The following ACAP2 variants were observed in gnomAD, a reference collection of about 807,000 sequenced individuals.
The protein encoded by ACAP2 is ArfGAP with coiled-coil, ankyrin repeat and PH domains 2, also known as arf-GAP with coiled-coil, ANK repeat and PH domain-containing protein 2.
In ACAP2, 39 loss-of-function variants were observed where a neutral mutation model predicts 115.8. The observed-to-expected ratio is 0.34, with a 90% CI of 0.26 to 0.44. ACAP2 has a LOEUF of 0.44. Ranked by LOEUF, ACAP2 falls within the 20% of genes least tolerant of loss-of-function variation. The probability of loss-of-function intolerance (pLI) is 1.00; values close to 1 mark genes in which losing one functional copy is unlikely to be tolerated. For synonymous variants in ACAP2, 289 were observed against 315.8 expected, an observed-to-expected ratio of 0.92 and a Z score of 0.90; for missense variants, 662 against 927.6, an observed-to-expected ratio of 0.71 and a Z score of 3.72.
chr3:195,342,456 T>G lies in ACAP2; in HGVS notation c.528+15A>C, dbSNP rs544134088. The G allele has an allele frequency of 6.9e-6, 11 of 1,583,116 alleles. No homozygotes were observed. In the African/African-American group the frequency reaches 9.6e-5, roughly 14 times the overall value. ...AAGCACTGTCTGAAAACATACACAG[T>G]AAGAAACTATATACCTGAAGCACAT... On this transcript the variant is annotated intron_variant, in intron 6 of 22. Transcript: ENST00000326793.
At chr3:195,336,795 G>A in intron 7 of ACAP2, 137 bp downstream of exon 7, 2 of 738,180 alleles carry the variant, frequency 2.7e-6, no homozygotes. Context: ...TGCCACATAA[G>A]AAACACAAAT....
chr3:195,349,057 T>C (rs1731368531), intron 4 of ACAP2, among the ~76,000 whole-genome samples: 2 of 57,352 alleles, frequency 3.5e-5, no homozygotes, highest in Admixed American at 2.4e-4. Context: ...TAGATAACAC[T>C]ATGGAACCTG....
intron 10 of ACAP2, among the ~76,000 whole-genome samples, chr3:195,312,267 G>A (rs1212420325): frequency 2.6e-5 from 4 of 152,054 alleles, no homozygotes; most frequent in Non-Finnish European, 5.9e-5. Context: ...TTAAAAGCCT[G>A]AACATGAATG....
At chr3:195,437,119 C>T (rs546938665) in intron 1 of ACAP2, among the ~76,000 whole-genome samples, 24 of 152,282 alleles carry the variant, frequency 1.6e-4, no homozygotes, top group Non-Finnish European at 1.2e-4. Context: ...ATCACCATAG[C>T]TCACTGTAAC....
intron 4 of ACAP2, among the ~76,000 whole-genome samples, chr3:195,358,089 G>A (rs62287119): frequency 0.24 from 36,405 of 152,014 alleles, 5,106 homozygotes; most frequent in East Asian, 0.71. Flanking sequence ...TTTGGGTGGG[G>A]ACACAAAGCC....
At chr3:195,381,599 G>C (rs1723036688) in intron 3 of ACAP2, among the ~76,000 whole-genome samples, 1 of 152,090 alleles carries the variant, frequency 6.6e-6, no homozygotes, top group Non-Finnish European at 1.5e-5. Flanking sequence ...GCATGATCTT[G>C]ATCTTCCTGC....
chr3:195,350,909 G>GA (rs1318250510), intron 4 of ACAP2, among the ~76,000 whole-genome samples: 1 of 151,180 alleles, frequency 6.6e-6, no homozygotes, highest in African/African-American at 2.4e-5. Flanking sequence ...AGAAAACATT[G>GA]AAAAAAATCT....
chr3:195,382,218 G>C (rs1396623836), intron 2 of ACAP2, among the ~76,000 whole-genome samples, 196 bp from the exon 3 acceptor site: 6 of 152,086 alleles, frequency 3.9e-5, no homozygotes, highest in Admixed American at 3.9e-4. Flanking sequence ...AGTTGTACCA[G>C]AAAAGTTGAC....
chr3:195,300,952 C>T lies in ACAP2; in HGVS notation c.1395+623G>A, dbSNP rs75739666. On this transcript the variant is annotated intron_variant, in intron 15 of 22. Coordinates refer to ENST00000326793, the MANE Select transcript of ACAP2 (RefSeq NM_012287.6). ...AGGATTCTTTGAGCCAAGGAAGTCC[C>T]GGCTGCAGTAAGCTGTGATGGTGCC... Among the ~76,000 whole-genome samples, 1,443 of 152,188 alleles carry T rather than the reference C, an allele frequency of 9.5e-3. 22 individuals carry two copies. The highest frequency in any genetic ancestry group is 0.033 in the African/African-American group (1,381 of 41,512).
At chr3:195,439,274 C>T (rs1158123328) in intron 1 of ACAP2, among the ~76,000 whole-genome samples, 3 of 149,148 alleles carry the variant, frequency 2.0e-5, no homozygotes. Context: ...ACATAACTCA[C>T]TGCAGCCTTG....
At chr3:195,315,128 G>A (rs544014470) in intron 10 of ACAP2, among the ~76,000 whole-genome samples, 24 of 152,272 alleles carry the variant, frequency 1.6e-4, no homozygotes, top group Non-Finnish European at 2.6e-4. Context: ...CGGTCTTCCC[G>A]CCTCAGCCAC....
chr3:195,318,531 G>A (rs778459358), intron 10 of ACAP2, among the ~76,000 whole-genome samples: 1 of 152,178 alleles, frequency 6.6e-6, no homozygotes, highest in African/African-American at 2.4e-5. Context: ...TGTCACTCTC[G>A]CTATACTTTA....
At chr3:195,361,804 C>T (rs1227280620) in intron 4 of ACAP2, among the ~76,000 whole-genome samples, 2 of 151,660 alleles carry the variant, frequency 1.3e-5, no homozygotes, top group East Asian at 1.9e-4. Flanking sequence ...AAAGAGAAGA[C>T]CAAATAAAAA....
chr3:195,302,790 A>G (rs1319279096), intron 13 of ACAP2, among the ~76,000 whole-genome samples: 1 of 152,328 alleles, frequency 6.6e-6, no homozygotes, highest in East Asian at 1.9e-4. Context: ...CTGATTAACA[A>G]AAAGTTAATT....
intron 1 of ACAP2, among the ~76,000 whole-genome samples, chr3:195,416,113 C>T (rs1434931346): frequency 1.3e-5 from 2 of 151,994 alleles, no homozygotes; most frequent in Non-Finnish European, 1.5e-5. Context: ...TTTGGGAGGC[C>T]GAGGTGGGAG....
At chr3:195,426,277 G>C (rs770303386) in intron 1 of ACAP2, among the ~76,000 whole-genome samples, 2 of 152,120 alleles carry the variant, frequency 1.3e-5, no homozygotes, top group Non-Finnish European at 2.9e-5. Flanking sequence ...TCCTACCCAT[G>C]ACTCCAGTGG....
intron 4 of ACAP2, among the ~76,000 whole-genome samples, chr3:195,364,772 T>C (rs1163655718): frequency 1.3e-5 from 2 of 152,120 alleles, no homozygotes; most frequent in African/African-American, 4.8e-5. Context: ...AATCCTACTC[T>C]CAGACGTATA....
chr3:195,390,866 C>G (rs1323114435), intron 2 of ACAP2, among the ~76,000 whole-genome samples: 1 of 151,478 alleles, frequency 6.6e-6, no homozygotes, highest in African/African-American at 2.5e-5. Context: ...TGTAAATGAG[C>G]AGTGGTTTCA....
chr3:195,423,741 T>C (rs1386203060), intron 1 of ACAP2, among the ~76,000 whole-genome samples: 1 of 150,988 alleles, frequency 6.6e-6, no homozygotes, highest in Non-Finnish European at 1.5e-5. Context: ...AATATGTAAA[T>C]AAATAAGCAT....
Sources: gnomAD v4.1 joint callset for allele counts (sites outside exome capture counted in the v4.1 genomes callset) on GRCh38, gnomAD v4.1.1 for gene constraint, MANE v1.5 for transcripts, NCBI Gene and HGNC (gene_info 2026-07-23, HGNC 2026-07-21) for gene names.